CFAP61: variants seen among roughly 807,000 people sequenced by gnomAD.
CFAP61 encodes cilia- and flagella-associated protein 61.
A neutral mutation model predicts 135.6 loss-of-function variants in CFAP61; 107 were observed. That is an observed-to-expected ratio of 0.79 (90% CI 0.67 to 0.93). The LOEUF is 0.93. CFAP61 is among the 40% of genes least tolerant of loss of function. CFAP61 has a pLI of 0.00. For missense variants in CFAP61, 1,507 were observed against 1,556.2 expected (o/e 0.97, Z 0.53); for synonymous variants, 575 against 578.5 (o/e 0.99, Z 0.09).
chr20:20,178,482 C>T (rs1307751290), intron 13 of CFAP61, among the ~76,000 whole-genome samples: 4 of 152,132 alleles, frequency 2.6e-5, no homozygotes, highest in African/African-American at 9.7e-5. Flanking sequence ...CATCTTGCCA[C>T]CCTTTCACAT....
intron 25 of CFAP61, among the ~76,000 whole-genome samples, chr20:20,305,424 G>A (rs941523349): frequency 6.6e-6 from 1 of 152,210 alleles, no homozygotes; most frequent in Admixed American, 6.5e-5. Context: ...GCCTTTTGCT[G>A]TGTTCAGTGG....
At chr20:20,133,172 C>G (rs1437241892) in intron 8 of CFAP61, among the ~76,000 whole-genome samples, 1 of 152,162 alleles carries the variant, frequency 6.6e-6, no homozygotes, top group Non-Finnish European at 1.5e-5. Context: ...TTACTTCTTG[C>G]AACTGCGTCA....
intron 6 of CFAP61, 126 bp from the exon 7 acceptor site, chr20:20,090,718 A>G (rs57605712): frequency 1.3e-5 from 9 of 679,330 alleles, no homozygotes; most frequent in East Asian, 2.8e-5. Flanking sequence ...AAAAAGAAGG[A>G]AAGTTGATAT....
chr20:20,137,019 C>T (rs2424266), intron 8 of CFAP61, among the ~76,000 whole-genome samples: 137,213 of 152,194 alleles, frequency 0.9, 62,668 homozygotes, highest in Middle Eastern at 0.99. Context: ...AGAGGTGCCA[C>T]CTTGGTGGTC....
At chr20:20,218,444 C>T (rs2048182087) in intron 17 of CFAP61, among the ~76,000 whole-genome samples, 1 of 152,158 alleles carries the variant, frequency 6.6e-6, no homozygotes, top group South Asian at 2.1e-4. Context: ...TATAAGTTAC[C>T]CAGTCTCGGG....
In CFAP61 at chr20:20,251,261, ACAAC is replaced by A. The variant is rs553453852; in HGVS notation, c.2160-331_2160-328del. ...CCAATTTAACAGCTAAAGTAAATTT[ACAAC>A]CACTCTGAAGTAGAAGCAGAAGAAA... On this transcript the variant is annotated intron_variant, in intron 19 of 26. Transcript: ENST00000245957. Among the ~76,000 whole-genome samples, 78 of 152,306 alleles carry A rather than the reference ACAAC, an allele frequency of 5.1e-4. 1 individual carries two copies. The South Asian group carries it at 0.016, about 31-fold the overall frequency.
intron 26 of CFAP61, among the ~76,000 whole-genome samples, chr20:20,346,051 G>C (rs966228308): frequency 1.4e-5 from 2 of 139,998 alleles, no homozygotes; most frequent in Admixed American, 1.4e-4. Context: ...ACAGGCGCCC[G>C]CCACCGCGCC....
intron 8 of CFAP61, among the ~76,000 whole-genome samples, chr20:20,106,580 A>G (rs2048421634): frequency 6.6e-6 from 1 of 152,188 alleles, no homozygotes; most frequent in Non-Finnish European, 1.5e-5. Context: ...TCAGAAGAAA[A>G]GTGGCTTTAT....
chr20:20,141,420 T>G (rs2051393046), intron 8 of CFAP61, among the ~76,000 whole-genome samples: 2 of 152,152 alleles, frequency 1.3e-5, no homozygotes, highest in Admixed American at 6.5e-5. Context: ...GCAGGACATA[T>G]CGGGAGCTAG....
chr20:20,290,550 G>C (rs73903347), intron 24 of CFAP61, among the ~76,000 whole-genome samples, 159 bp downstream of exon 24: 1 of 152,174 alleles, frequency 6.6e-6, no homozygotes, highest in African/African-American at 2.4e-5. Context: ...AGTGACTCTC[G>C]CACCTTGGTC....
At chr20:20,355,476 T>G (rs1360648903) in intron 26 of CFAP61, among the ~76,000 whole-genome samples, 5 of 33,540 alleles carry the variant, frequency 1.5e-4, no homozygotes, top group African/African-American at 5.0e-4. Flanking sequence ...TGAGGGGAGG[T>G]GGTCACACTG....
intron 26 of CFAP61, among the ~76,000 whole-genome samples, chr20:20,356,299 G>A (rs1205750355): frequency 1.4e-5 from 2 of 143,582 alleles, no homozygotes; most frequent in African/African-American, 5.2e-5. Flanking sequence ...CACACTGAGA[G>A]GAGGTGGTCA....
intron 1 of CFAP61, chr20:20,056,134 G>T: frequency 1.4e-6 from 1 of 706,530 alleles, no homozygotes. Flanking sequence ...GAAGCCTATT[G>T]CGAGCATTTC....
chr20:20,054,290 T>G (rs185334665), intron 1 of CFAP61, among the ~76,000 whole-genome samples: 20 of 152,168 alleles, frequency 1.3e-4, no homozygotes, highest in Admixed American at 4.6e-4. Flanking sequence ...AATGGTTATT[T>G]TTTCCTTTTA....
intron 9 of CFAP61, among the ~76,000 whole-genome samples, chr20:20,150,206 C>T (rs1469063003): frequency 6.6e-6 from 1 of 152,046 alleles, no homozygotes; most frequent in Non-Finnish European, 1.5e-5. Context: ...CTTCAGTAAG[C>T]CCTGCTCAAG....
rs1216317853 is a variant in CFAP61, at chr20:20,067,765, ATATGTATTTAT to A, written c.144-3085_144-3075del. Among the ~76,000 whole-genome samples the A allele has an allele frequency of 5.3e-3, 302 of 56,818 alleles. 1 individual carries two copies. The highest frequency in any genetic ancestry group is 0.014 in the Non-Finnish European group (233 of 16,416). The allele number at this position is 56,818 out of a possible 152,430, so 37.3% of individuals were successfully genotyped here. On this transcript the variant is annotated intron_variant, in intron 2 of 26. Coordinates refer to ENST00000245957, the MANE Select transcript of CFAP61 (RefSeq NM_015585.4). ...ATATAATATATATTTATATTATTAT[ATATGTATTTAT>A]TATATATATATATATACCTACCTTC...
rs771730018 is a variant in CFAP61 at position 20,056,664 on chromosome 20, T to C, written c.11T>C (p.Leu4Pro). 4.2e-5 allele frequency: 67 copies of C among 1,613,998 alleles called. No homozygotes were observed. The highest frequency in any genetic ancestry group is 1.0e-4 in the Admixed American group (6 of 60,004). ...GGGACAGGATAAAAAATGTCAGTACTCACTTCTCCAAGAGGAAAGGTAGAA... is the reference window on the plus strand; with the variant it reads ...GGGACAGGATAAAAAATGTCAGTACCCACTTCTCCAAGAGGAAAGGTAGAA... The part of the protein sequence containing the change: MSV[L>P]TSPRGKVEVV... The change falls in exon 2 of 27, where the codon CTC (leucine) becomes CCC (proline). Residue 4 changes from leucine (L) to proline (P), a missense_variant. Leu to Pro is a moderately conservative substitution (Grantham distance 98, BLOSUM62 -3). Coordinates refer to ENST00000245957, the MANE Select transcript of CFAP61 (RefSeq NM_015585.4).
chr20:20,295,246 G>A (rs947360174), intron 24 of CFAP61, among the ~76,000 whole-genome samples: 1 of 152,158 alleles, frequency 6.6e-6, no homozygotes, highest in South Asian at 2.1e-4. Flanking sequence ...AGCTGAAGGT[G>A]GGGGATTTAG....
intron 25 of CFAP61, among the ~76,000 whole-genome samples, chr20:20,331,429 A>G (rs1199401757): frequency 6.2e-5 from 1 of 16,014 alleles, no homozygotes; most frequent in Non-Finnish European, 1.4e-4. Flanking sequence ...AAAGCTTTAG[A>G]AAAAAAAAAA....
Sources: gnomAD v4.1 joint callset for allele counts (sites outside exome capture counted in the v4.1 genomes callset) on GRCh38, gnomAD v4.1.1 for gene constraint, MANE v1.5 for transcripts, NCBI Gene and HGNC (gene_info 2026-07-23, HGNC 2026-07-21) for gene names.